Variants in DHRS7B observed in about 807,000 individuals in gnomAD.
The protein encoded by DHRS7B is peroxisomal reductase activating PPAR-gamma.
Under a neutral mutation model 26.4 loss-of-function variants are expected in DHRS7B, and 24 were observed. The ratio of observed to expected loss-of-function variants is 0.91; its 90% CI spans 0.66 to 1.28. The LOEUF is 1.28. DHRS7B is among the 50% of genes most tolerant of loss of function. DHRS7B has a pLI of 0.00. For missense variants in DHRS7B, 368 were observed against 419.4 expected (o/e 0.88, Z 1.07); for synonymous variants, 142 against 166.4 (o/e 0.85, Z 1.13).
chr17:21,127,217 C>T (rs1158640625), intron 1 of DHRS7B: 1 of 504,678 alleles, frequency 2.0e-6, no homozygotes, highest in African/African-American at 2.0e-5. Flanking sequence ...GGGAAACCCG[C>T]CTGTCGCCGA....
chr17:21,183,910 T>G, intron 4 of DHRS7B, 100 bp downstream of exon 4: 1 of 1,046,190 alleles, frequency 9.6e-7, no homozygotes, highest in Non-Finnish European at 1.4e-6. Flanking sequence ...CTCCATCCTC[T>G]CTGTTGCCCT....
intron 1 of DHRS7B, among the ~76,000 whole-genome samples, chr17:21,165,952 A>T (rs1037369684): frequency 6.6e-6 from 1 of 151,812 alleles, no homozygotes. Context: ...AAAAACCAAA[A>T]TTGTGTGTGT....
At chr17:21,177,079 C>A (rs143066890) in intron 2 of DHRS7B, among the ~76,000 whole-genome samples, 38 of 152,258 alleles carry the variant, frequency 2.5e-4, no homozygotes, top group Non-Finnish European at 5.3e-4. Context: ...CAGGGGGTTT[C>A]TCGTCAGGCC....
At chr17:21,147,477 A>G (rs9910503) in intron 1 of DHRS7B, among the ~76,000 whole-genome samples, 3,228 of 152,318 alleles carry the variant, frequency 0.021, 102 homozygotes, top group African/African-American at 0.074. Flanking sequence ...TTATCACGAG[A>G]ATTGTCCCAG....
rs142632890 is a variant in DHRS7B at position 21,178,300 on chromosome 17, A to G, written c.267A>G (p.Leu89=). The change falls in exon 3 of 7, where the codon CTA becomes CTG. Residue 89 remains leucine (L), a synonymous_variant. Transcript: ENST00000395511. ...TCTGTGGCCGGAATGGTGGGGCCCT[A>G]GAAGAGCTCATCAGAGAACTCACCG... ...LVLCGRNGGA[L]EELIRELTAS... 1.2e-6 allele frequency: 2 copies of G among 1,614,084 alleles called. No individual in the cohort carries two copies. The highest frequency in any genetic ancestry group is 2.7e-5 in the African/African-American group (2 of 74,940).
chr17:21,175,684 T>C (rs1041088870), intron 2 of DHRS7B, among the ~76,000 whole-genome samples: 1 of 152,142 alleles, frequency 6.6e-6, no homozygotes, highest in Non-Finnish European at 1.5e-5. Context: ...ATGCCTGTAA[T>C]CCCAGCACTT....
intron 5 of DHRS7B, 32 bp from the exon 6 acceptor site, chr17:21,188,679 T>C: frequency 1.9e-6 from 3 of 1,547,898 alleles, no homozygotes; most frequent in Non-Finnish European, 1.7e-6. Flanking sequence ...CCCAGCGCAC[T>C]CAGTCACCTG....
intron 1 of DHRS7B, among the ~76,000 whole-genome samples, chr17:21,142,187 A>G (rs1365212083): frequency 6.6e-6 from 1 of 152,114 alleles, no homozygotes; most frequent in Non-Finnish European, 1.5e-5. Flanking sequence ...GGTCCACGTG[A>G]GAGGGTCATG....
intron 1 of DHRS7B, among the ~76,000 whole-genome samples, chr17:21,148,052 T>C (rs1193069573): frequency 6.6e-6 from 1 of 151,982 alleles, no homozygotes; most frequent in African/African-American, 2.4e-5. Flanking sequence ...AGTGTCTCTA[T>C]TTTAAAAAAT....
At chr17:21,160,720 A>G (rs1973982439) in intron 1 of DHRS7B, among the ~76,000 whole-genome samples, 1 of 152,228 alleles carries the variant, frequency 6.6e-6, no homozygotes, top group Admixed American at 6.5e-5. Context: ...ACACTCCTTG[A>G]TATTTACCCA....
At chr17:21,136,277 G>A (rs1355192319) in intron 1 of DHRS7B, among the ~76,000 whole-genome samples, 2 of 151,068 alleles carry the variant, frequency 1.3e-5, no homozygotes, top group Non-Finnish European at 2.9e-5. Context: ...ACTCCAGCCT[G>A]GGCAACAAGA....
intron 5 of DHRS7B, among the ~76,000 whole-genome samples, chr17:21,188,279 G>C (rs932110964): frequency 7.2e-5 from 11 of 151,950 alleles, no homozygotes; most frequent in Middle Eastern, 3.2e-3. Context: ...CTCTCTCTGT[G>C]TATATGCATA....
At chr17:21,140,407 A>G (rs569126112) in intron 1 of DHRS7B, among the ~76,000 whole-genome samples, 7 of 151,212 alleles carry the variant, frequency 4.6e-5, no homozygotes, top group South Asian at 4.2e-4. Context: ...GTGAAAGTCA[A>G]ATAGCAAAGT....
At chr17:21,186,929 A>G (rs931081275) in intron 5 of DHRS7B, among the ~76,000 whole-genome samples, 1 of 152,084 alleles carries the variant, frequency 6.6e-6, no homozygotes, top group Non-Finnish European at 1.5e-5. Context: ...AGGCCCACTG[A>G]TGGGGCCAAT....
chr17:21,135,675 T>C (rs538808748), intron 1 of DHRS7B, among the ~76,000 whole-genome samples: 1 of 152,324 alleles, frequency 6.6e-6, no homozygotes, highest in Non-Finnish European at 1.5e-5. Flanking sequence ...CCGTAAGATA[T>C]AGCTTCCATA....
At chr17:21,132,348 A>AT (rs1555535740) in intron 1 of DHRS7B, among the ~76,000 whole-genome samples, 1,417 of 124,948 alleles carry the variant, frequency 0.011, 14 homozygotes, top group South Asian at 0.03. Context: ...AAAAAAAAAA[A>AT]ATATATATAT....
At chr17:21,170,339 T>G (rs1396513959) in intron 1 of DHRS7B, among the ~76,000 whole-genome samples, 1 of 152,172 alleles carries the variant, frequency 6.6e-6, no homozygotes, top group Non-Finnish European at 1.5e-5. Flanking sequence ...CAAAGGGTCC[T>G]TGGGACCCAG....
intron 3 of DHRS7B, among the ~76,000 whole-genome samples, 166 bp from the exon 4 acceptor site, chr17:21,183,428 T>C (rs925972248): frequency 6.6e-6 from 1 of 152,234 alleles, no homozygotes; most frequent in Non-Finnish European, 1.5e-5. Flanking sequence ...ATCTTTATTA[T>C]AATGTTTCCT....
intron 1 of DHRS7B, among the ~76,000 whole-genome samples, chr17:21,152,584 A>G (rs1973795308): frequency 6.6e-6 from 1 of 152,198 alleles, no homozygotes; most frequent in Non-Finnish European, 1.5e-5. Flanking sequence ...AGCCCCTCAC[A>G]ATGAATATTG....
Sources: allele counts gnomAD v4.1 joint callset (sites outside exome capture counted in the v4.1 genomes callset), GRCh38; gene constraint gnomAD v4.1.1; transcripts MANE v1.5; gene names NCBI Gene and HGNC (gene_info 2026-07-23, HGNC 2026-07-21).